ANKDD1B: variants seen among roughly 807,000 people sequenced by gnomAD.
The protein encoded by ANKDD1B is ankyrin repeat and death domain containing 1B.
A neutral mutation model predicts 59.7 loss-of-function variants in ANKDD1B; 57 were observed. The ratio of observed to expected loss-of-function variants is 0.95; its 90% confidence interval spans 0.77 to 1.19. The LOEUF is 1.19. Among genes scored for constraint, ANKDD1B ranks in the 50% most tolerant of loss-of-function variants. The pLI, the probability that ANKDD1B is intolerant of heterozygous loss-of-function variation, is 0.00. For missense variants in ANKDD1B, 602 were observed against 641.9 expected (o/e 0.94, Z 0.67); for synonymous variants, 216 against 239.5 (o/e 0.90, Z 0.91).
chr5:75,655,047 G>A (rs922988433), intron 8 of ANKDD1B, among the ~76,000 whole-genome samples: 3 of 151,596 alleles, frequency 2.0e-5, no homozygotes, highest in Admixed American at 1.3e-4. Context: ...CTCCCTTTTC[G>A]CCCCGCTCAG....
intron 1 of ANKDD1B, among the ~76,000 whole-genome samples, chr5:75,614,929 G>A (rs1293672009): frequency 2.0e-5 from 3 of 152,210 alleles, no homozygotes; most frequent in South Asian, 2.1e-4. Context: ...GGTGAGGGAG[G>A]TAAGTGTTTG....
chr5:75,620,505 C>T (rs1773820053), intron 3 of ANKDD1B, 92 bp downstream of exon 3: 5 of 680,212 alleles, frequency 7.4e-6, no homozygotes, highest in Non-Finnish European at 4.9e-6. Context: ...TTCACATACA[C>T]ACAAAATATT....
At chr5:75,655,290 C>T (rs181281788) in intron 8 of ANKDD1B, among the ~76,000 whole-genome samples, 16 of 152,122 alleles carry the variant, frequency 1.1e-4, no homozygotes, top group Admixed American at 2.6e-4. Flanking sequence ...CAAAGGAGAA[C>T]GGGAGAGCAG....
At chr5:75,639,834 G>A (rs144510188) in intron 7 of ANKDD1B, among the ~76,000 whole-genome samples, 1 of 152,188 alleles carries the variant, frequency 6.6e-6, no homozygotes, top group East Asian at 1.9e-4. Context: ...CTATGTTTTG[G>A]CCTGAATTAA....
In ANKDD1B at chr5:75,625,950, G is replaced by A; in HGVS notation, c.595G>A (p.Asp199Asn). 1 of 1,534,064 alleles carries A rather than the reference G, an allele frequency of 6.5e-7. No individual in the cohort carries two copies. The highest frequency in any genetic ancestry group is 8.7e-7 in the Non-Finnish European group (1 of 1,145,038). The change falls in exon 5 of 14, where the codon GAT becomes AAT. Residue 199 changes from aspartate (D) to asparagine (N), a missense_variant. Physicochemically the swap from Asp to Asn is conservative, Grantham distance 23 (BLOSUM62 1). Transcript: ENST00000601380. ...GCACCTCAAGGACCTGAACCAGCCT[G>A]ATGAGGTGTGTTCACTTTGGTTGTG... The part of the protein sequence containing the change: ...DLHLKDLNQP[D>N]EKGRKPFLLA...
chr5:75,660,038 A>C (rs1055109905), intron 10 of ANKDD1B, among the ~76,000 whole-genome samples: 2 of 152,190 alleles, frequency 1.3e-5, no homozygotes, highest in Non-Finnish European at 2.9e-5. Context: ...TTGCTCTTAT[A>C]AACATAGCTG....
intron 1 of ANKDD1B, 126 bp from the exon 2 acceptor site, chr5:75,616,678 T>C: frequency 2.0e-6 from 1 of 496,212 alleles, no homozygotes; most frequent in Non-Finnish European, 3.6e-6. Context: ...GAAGTTCCCA[T>C]GTCTTAAATA....
chr5:75,629,820 C>A (rs1435445227), intron 5 of ANKDD1B, among the ~76,000 whole-genome samples: 1 of 152,012 alleles, frequency 6.6e-6, no homozygotes, highest in African/African-American at 2.4e-5. Flanking sequence ...CACCTGTGGC[C>A]CCAGCTACTC....
At position 75,671,010 on chromosome 5, in the gene ANKDD1B, C is replaced by A; in HGVS notation, c.1557C>A (p.Asp519Glu). 1 of 1,230,084 alleles carries A rather than the reference C, an allele frequency of 8.1e-7. No homozygotes were observed. Among genetic ancestry groups the A allele is most frequent in the South Asian group, 4.1e-5 (1 of 24,266 alleles). The allele number at this position is 1,230,084 out of a possible 1,614,324, so 76.2% of individuals were successfully genotyped here. Residue 519 changes from aspartate (D) to glutamate (E), a missense_variant, in exon 14 of 14, where the codon GAC becomes GAA. Asp to Glu is a conservative substitution (Grantham distance 45). Around this residue, in one of 3 missense-constraint regions of ANKDD1B, gnomAD observed 280 missense variants for 319.8 expected, o/e 0.88. Coordinates refer to ENST00000601380, the MANE Select transcript of ANKDD1B (RefSeq NM_001276713.2). ...EKTRHFKSKT[D>E]SNSKKCVVS ...CTCGTCATTTCAAAAGCAAAACTGA[C>A]TCAAACTCCAAGAAATGTGTAGTTT...
intron 7 of ANKDD1B, among the ~76,000 whole-genome samples, chr5:75,639,202 T>G (rs113998086): frequency 0.013 from 1,985 of 152,244 alleles, 42 homozygotes; most frequent in African/African-American, 0.044. Context: ...TTTGTTTGTT[T>G]GTTGGTTTTT....
At chr5:75,627,826 T>C (rs1224042117) in intron 5 of ANKDD1B, among the ~76,000 whole-genome samples, 1 of 152,196 alleles carries the variant, frequency 6.6e-6, no homozygotes, top group Non-Finnish European at 1.5e-5. Flanking sequence ...AAAGCAGGTT[T>C]GCGGGGAGCC....
At chr5:75,661,996 T>C (rs1366712133) in intron 10 of ANKDD1B, among the ~76,000 whole-genome samples, 1 of 141,060 alleles carries the variant, frequency 7.1e-6, no homozygotes, top group Non-Finnish European at 1.5e-5. Context: ...TTGGTATAAA[T>C]TTGACTTTCC....
intron 1 of ANKDD1B, among the ~76,000 whole-genome samples, chr5:75,613,822 G>A (rs903385948): frequency 1.3e-5 from 2 of 152,108 alleles, no homozygotes; most frequent in African/African-American, 4.8e-5. Flanking sequence ...CTGAGTGACT[G>A]GACTTAAAAA....
rs73124774 is a variant in ANKDD1B at position 75,670,117 on chromosome 5, T to C, written c.1525+734T>C. Among the ~76,000 whole-genome samples, 257 of 152,374 alleles carry C rather than the reference T, an allele frequency of 1.7e-3. 1 individual carries two copies. Among genetic ancestry groups the C allele is most frequent in the Middle Eastern group, 0.01 (3 of 292 alleles). On this transcript the variant is annotated intron_variant, in intron 13 of 13. Transcript: ENST00000601380. ...GTGTGGATACTTACCTTCCATCACA[T>C]GATCTCATAATATTGGAGTTTTTCC...
Position 75,669,304 on chromosome 5 carries a change from C to G in ANKDD1B, c.1446C>G (p.His482Gln). ...ACAGGGCTCTGCTTATCTGGCTACA[C>G]GGGACCCTGATGACTCAGGGTGACC... is the stretch of plus-strand genomic sequence containing the variant. ...HGHRALLIWL[H>Q]GTLMTQGDPA... Residue 482 changes from histidine to glutamine, a missense_variant, in exon 13 of 14, where the codon CAC becomes CAG. His to Gln is a conservative substitution (Grantham distance 24). Coordinates refer to ENST00000601380, the MANE Select transcript of ANKDD1B (RefSeq NM_001276713.2). 1 of 1,232,110 alleles carries G rather than the reference C, an allele frequency of 8.1e-7. No homozygotes were observed. Among genetic ancestry groups the G allele is most frequent in the Non-Finnish European group, 1.0e-6 (1 of 987,946 alleles). 76.3% of individuals were successfully genotyped at this position (1,232,110 alleles called of 1,614,324 possible). A position where few individuals can be genotyped will look rare whatever the true frequency, so the allele number is the denominator to read the frequency against.
rs911096844 is a variant in ANKDD1B at position 75,611,766 on chromosome 5, C to T, written c.132C>T (p.Ser44=). 4 of 1,231,862 alleles carry T rather than the reference C, an allele frequency of 3.2e-6. No homozygotes were observed. The African/African-American group carries it at 6.2e-5, about 19-fold the overall frequency. The allele number at this position is 1,231,862 out of a possible 1,614,324, so 76.3% of individuals were successfully genotyped here. A position where few individuals can be genotyped will look rare whatever the true frequency, so the allele number is the denominator to read the frequency against. The stretch of plus-strand genomic sequence containing the variant: ...CCGCCCTGCCTTGGAGGAGCCTGTC[C>T]CGGATCCCGAAGCGGGAGGGTCTTG... ...GAAALPWRSL[S]RIPKREGLGE... is the part of the protein sequence containing the mutation. The change falls in exon 1 of 14, where the codon TCC becomes TCT. Residue 44 remains serine, a synonymous_variant. Coordinates refer to ENST00000601380, the MANE Select transcript of ANKDD1B (RefSeq NM_001276713.2).
chr5:75,632,863 C>T (rs184497536), intron 5 of ANKDD1B, among the ~76,000 whole-genome samples: 156 of 152,302 alleles, frequency 1.0e-3, no homozygotes, highest in East Asian at 6.6e-3. Flanking sequence ...ATATATTTCT[C>T]ATCTTGGTCA....
chr5:75,611,532 C>G lies in ANKDD1B; in HGVS notation c.-103C>G, dbSNP rs1188623206. On this transcript the variant is annotated 5_prime_UTR_variant, in exon 1 of 14. Coordinates refer to ENST00000601380, the MANE Select transcript of ANKDD1B (RefSeq NM_001276713.2). ...GGCTGACCTGCCTGCGTCCAGCCCCCGCGCCCTGGGCCTGCCTGGGTCTGG... is the reference window on the plus strand; with the variant it reads ...GGCTGACCTGCCTGCGTCCAGCCCCGGCGCCCTGGGCCTGCCTGGGTCTGG... 1 of 991,474 alleles carries G rather than the reference C, an allele frequency of 1.0e-6. No homozygotes were observed. The highest frequency in any genetic ancestry group is 1.3e-6 in the Non-Finnish European group (1 of 769,854). 61.4% of individuals were successfully genotyped at this position (991,474 alleles called of 1,614,324 possible). A position where few individuals can be genotyped will look rare whatever the true frequency, so the allele number is the denominator to read the frequency against.
Position 75,637,240 on chromosome 5 carries a change from C to CAAAAAAAAAAAAAAAAAAAAA in ANKDD1B, c.798+1371_798+1391dup, listed in dbSNP as rs55640131. Reference sequence around the variant, plus strand: ...AGCCTGGGCGACAGAGACTCTGTCTCAAAAAAAAAAAAAAAAAAAAAAAAA... The same window carrying CAAAAAAAAAAAAAAAAAAAAA: ...AGCCTGGGCGACAGAGACTCTGTCTCAAAAAAAAAAAAAAAAAAAAAAAAAAAAAAAAAAAAAAAAAAAAAA... On this transcript the variant is annotated intron_variant, in intron 7 of 13. Transcript: ENST00000601380. Among the ~76,000 whole-genome samples, 35 of 69,934 alleles carry CAAAAAAAAAAAAAAAAAAAAA rather than the reference C, an allele frequency of 5.0e-4. 1 individual carries two copies. The highest frequency in any genetic ancestry group is 1.4e-3 in the South Asian group (2 of 1,412). The allele number at this position is 69,934 out of a possible 152,430, so 45.9% of individuals were successfully genotyped here.
Sources: allele counts gnomAD v4.1 joint callset (sites outside exome capture counted in the v4.1 genomes callset), GRCh38; gene constraint gnomAD v4.1.1; regional missense constraint gnomAD v4.1.1; transcripts MANE v1.5; gene names NCBI Gene and HGNC (gene_info 2026-07-23, HGNC 2026-07-21).